The following MED12L variants were observed in gnomAD, a reference collection of about 807,000 sequenced individuals.
MED12L encodes the protein mediator complex subunit 12L.
Under a neutral mutation model 281.3 loss-of-function variants are expected in MED12L, and 60 were observed. That is an observed-to-expected ratio of 0.21 (90% CI 0.17 to 0.26). The LOEUF is 0.26. MED12L is among the 10% of genes least tolerant of loss of function. The pLI is 1.00. For synonymous variants in MED12L, 974 were observed against 987.2 expected (o/e 0.99, Z 0.25); for missense variants, 2,146 against 2,680.9 (o/e 0.80, Z 4.41).
At chr3:151,375,970 C>A in intron 27 of MED12L, 56 bp from the exon 28 acceptor site, 1 of 811,840 alleles carries the variant, frequency 1.2e-6, no homozygotes, top group Non-Finnish European at 1.8e-6. Flanking sequence ...GTACATATTG[C>A]ATATATATAT....
chr3:151,288,527 A>G (rs1360675404), intron 16 of MED12L, among the ~76,000 whole-genome samples: 1 of 152,252 alleles, frequency 6.6e-6, no homozygotes, highest in Non-Finnish European at 1.5e-5. Flanking sequence ...AAAAATTCAC[A>G]TAATTAAATG....
chr3:151,432,955 G>T lies in MED12L; in HGVS notation c.*151G>T. ...GCTACATCTCACAAAAAAAAAAAAA[G>T]GTGTTTAAACAAAAAGCCAAGGAGA... On this transcript the variant is annotated 3_prime_UTR_variant, in exon 45 of 45. Coordinates refer to ENST00000687756, the MANE Select transcript of MED12L (RefSeq NM_001393769.1). 2 of 558,032 alleles carry T rather than the reference G, an allele frequency of 3.6e-6. No individual in the cohort carries two copies. Among genetic ancestry groups the T allele is most frequent in the African/African-American group, 1.9e-5 (1 of 51,818 alleles). The allele number at this position is 558,032 out of a possible 1,614,324, so 34.6% of individuals were successfully genotyped here.
chr3:151,191,305 G>T (rs377092681), intron 14 of MED12L, among the ~76,000 whole-genome samples: 1 of 152,012 alleles, frequency 6.6e-6, no homozygotes, highest in Admixed American at 6.5e-5. Context: ...TCTAAGAATC[G>T]TCTTTTCCCT....
chr3:151,114,252 T>G (rs1712375415), intron 2 of MED12L, among the ~76,000 whole-genome samples: 1 of 152,244 alleles, frequency 6.6e-6, no homozygotes, highest in Non-Finnish European at 1.5e-5. Flanking sequence ...TCTGTGCGGA[T>G]CACGATTTCA....
In MED12L at chr3:151,108,059, G is replaced by A. The variant is rs149289219; in HGVS notation, c.100-8279G>A. 3.0e-4 allele frequency among the ~76,000 whole-genome samples: 46 copies of A among 152,238 alleles called. No homozygotes were observed. In the East Asian group the frequency reaches 7.5e-3, roughly 25 times the overall value. ...CAGTTATGCTAGATGCTGCTTTTTC[G>A]CTTCTCAGGGGAAAAAGAGAAGAAA... On this transcript the variant is annotated intron_variant, in intron 2 of 44. Coordinates refer to ENST00000687756, the MANE Select transcript of MED12L (RefSeq NM_001393769.1).
chr3:151,207,600 T>C (rs1247871279), intron 16 of MED12L, among the ~76,000 whole-genome samples: 1 of 152,124 alleles, frequency 6.6e-6, no homozygotes, highest in Non-Finnish European at 1.5e-5. Flanking sequence ...AAGTAAGCAT[T>C]GGAGAGCTCA....
intron 2 of MED12L, among the ~76,000 whole-genome samples, chr3:151,087,826 A>T (rs1395932291): frequency 1.3e-5 from 2 of 152,112 alleles, no homozygotes; most frequent in African/African-American, 4.8e-5. Context: ...GTAATTATGT[A>T]ACAAGTCTCT....
chr3:151,214,387 C>A, intron 16 of MED12L: 1 of 1,298,406 alleles, frequency 7.7e-7, no homozygotes. Context: ...TTATGGCCTC[C>A]AAGACATTTG....
intron 16 of MED12L, among the ~76,000 whole-genome samples, chr3:151,217,100 CTG>C (rs1199471908): frequency 1.3e-5 from 2 of 152,012 alleles, no homozygotes; most frequent in African/African-American, 2.4e-5. Flanking sequence ...GAAATAATAA[CTG>C]TGTAATATAT....
intron 27 of MED12L, 34 bp downstream of exon 27, chr3:151,372,800 ACGTAACTCTT>A (rs1483446973): frequency 6.4e-7 from 1 of 1,556,710 alleles, no homozygotes; most frequent in African/African-American, 1.4e-5. Context: ...TACTTTGAGT[ACGTAACTCTT>A]CTTTTGGAGA....
At chr3:151,177,612 C>T (rs2149037718) in intron 11 of MED12L, among the ~76,000 whole-genome samples, 1 of 151,924 alleles carries the variant, frequency 6.6e-6, no homozygotes, top group East Asian at 1.9e-4. Flanking sequence ...ATCTCAGCCT[C>T]CTGAGTAGCT....
At chr3:151,329,648 G>A (rs1020566743) in intron 16 of MED12L, 1 of 587,320 alleles carries the variant, frequency 1.7e-6, no homozygotes, top group African/African-American at 1.9e-5. Context: ...TAGACCTTTG[G>A]GACATTTGCT....
chr3:151,337,413 T>G (rs1751153816), intron 16 of MED12L: 1 of 188,046 alleles, frequency 5.3e-6, no homozygotes, highest in Non-Finnish European at 1.1e-5. Flanking sequence ...CTATCATTTT[T>G]GGTAAGAAGA....
intron 16 of MED12L, among the ~76,000 whole-genome samples, chr3:151,223,922 C>T (rs1038749900): frequency 2.0e-5 from 3 of 152,176 alleles, no homozygotes; most frequent in Admixed American, 6.5e-5. Flanking sequence ...CCAAATACCT[C>T]GTGTTTTAAC....
intron 16 of MED12L, among the ~76,000 whole-genome samples, chr3:151,303,585 AAAC>A (rs1225235310): frequency 6.6e-6 from 1 of 152,172 alleles, no homozygotes; most frequent in Admixed American, 6.5e-5. Flanking sequence ...CAACATGGTG[AAAC>A]CCCATCTCTA....
At chr3:151,266,260 A>T (rs1321552652) in intron 16 of MED12L, among the ~76,000 whole-genome samples, 1 of 152,222 alleles carries the variant, frequency 6.6e-6, no homozygotes, top group Non-Finnish European at 1.5e-5. Context: ...GGTATTCAAC[A>T]TCTTCTATTA....
chr3:151,279,180 G>A (rs911377419), intron 16 of MED12L, among the ~76,000 whole-genome samples: 1 of 152,172 alleles, frequency 6.6e-6, no homozygotes, highest in Non-Finnish European at 1.5e-5. Context: ...AAGACAAGGG[G>A]CTGAAAAGCT....
intron 16 of MED12L, chr3:151,213,234 A>T: frequency 8.2e-7 from 1 of 1,226,550 alleles, no homozygotes; most frequent in Non-Finnish European, 1.1e-6. Context: ...TATCTTATTG[A>T]TTTCTGTTAT....
intron 21 of MED12L, among the ~76,000 whole-genome samples, chr3:151,361,337 A>T (rs1244876172): frequency 6.6e-6 from 1 of 152,126 alleles, no homozygotes; most frequent in African/African-American, 2.4e-5. Flanking sequence ...ACATTAAATC[A>T]ATGTGCATTA....
Sources: gnomAD v4.1 joint callset for allele counts (sites outside exome capture counted in the v4.1 genomes callset) on GRCh38, gnomAD v4.1.1 for gene constraint, MANE v1.5 for transcripts, NCBI Gene and HGNC (gene_info 2026-07-23, HGNC 2026-07-21) for gene names.